DHRS12: variants seen among roughly 807,000 people sequenced by gnomAD.
DHRS12 encodes the protein dehydrogenase/reductase SDR family member 12.
In DHRS12, 29 loss-of-function variants were observed where a neutral mutation model predicts 32.1. The observed-to-expected ratio is 0.90, with a 90% confidence interval of 0.67 to 1.23. The LOEUF (loss-of-function observed/expected upper bound fraction) is 1.23. Ranked by LOEUF, DHRS12 falls within the 50% of genes most tolerant of loss-of-function variation. The pLI is 0.00. For synonymous variants in DHRS12, 150 were observed against 135.9 expected, an observed-to-expected ratio of 1.10 and a Z score of -0.72; for missense variants, 330 against 337.2, an observed-to-expected ratio of 0.98 and a Z score of 0.17.
intron 1 of DHRS12, 83 bp downstream of exon 1, chr13:51,803,971 C>G: frequency 8.1e-7 from 1 of 1,232,996 alleles, no homozygotes; most frequent in South Asian, 2.4e-5. Context: ...GAGCCGCGGG[C>G]GCGTCCCCGC....
At chr13:51,802,542 C>G (rs1178547240) in intron 1 of DHRS12, among the ~76,000 whole-genome samples, 3 of 152,232 alleles carry the variant, frequency 2.0e-5, no homozygotes, top group Non-Finnish European at 4.4e-5. Flanking sequence ...CCCATCCACA[C>G]TTGCCCAGGG....
rs138936155 is a variant in DHRS12 at position 51,790,076 on chromosome 13, C to T, written c.236G>A (p.Cys79Tyr). The T allele has an allele frequency of 1.3e-4, 213 of 1,593,810 alleles. 1 individual carries two copies. The African/African-American group carries it at 2.4e-3, about 18-fold the overall frequency. ...TGTGAGCTCTCTTTTATTGACCATGCAACCTGCATTATTGATCTAAAATTT... is the reference window on the plus strand; with the variant it reads ...TGTGAGCTCTCTTTTATTGACCATGTAACCTGCATTATTGATCTAAAATTT... ...KLHVLINNAG[C>Y]MVNKRELTED... The change falls in exon 4 of 9, where the codon TGC (cysteine) becomes TAC (tyrosine). Residue 79 changes from cysteine (C) to tyrosine (Y), a missense_variant. By Grantham distance (194) the Cys-to-Tyr change is radical (BLOSUM62 -2). Transcript: ENST00000444610.
At chr13:51,798,706 T>C (rs996051636) in intron 2 of DHRS12, among the ~76,000 whole-genome samples, 1 of 149,372 alleles carries the variant, frequency 6.7e-6, no homozygotes, top group Admixed American at 6.7e-5. Context: ...CCCTGAAAAA[T>C]GCCTAACTTG....
At chr13:51,768,707 A>G in intron 8 of DHRS12, 1 of 1,124,832 alleles carries the variant, frequency 8.9e-7, no homozygotes, top group Non-Finnish European at 1.1e-6. Flanking sequence ...GTCCACTCAC[A>G]CGCCTGCCCC....
At chr13:51,794,329 TCCC>T (rs962169096) in intron 2 of DHRS12, among the ~76,000 whole-genome samples, 14 of 152,102 alleles carry the variant, frequency 9.2e-5, no homozygotes, top group African/African-American at 1.9e-4. Context: ...TGGGGACTGA[TCCC>T]CCCATCAGAG....
chr13:51,770,896 T>C (rs1566273701), intron 7 of DHRS12: 13 of 1,167,918 alleles, frequency 1.1e-5, no homozygotes, highest in Non-Finnish European at 1.3e-5. Context: ...CTATAATTTA[T>C]TAACTTCATC....
intron 4 of DHRS12, among the ~76,000 whole-genome samples, chr13:51,786,744 C>A (rs1954975430): frequency 6.6e-6 from 1 of 152,182 alleles, no homozygotes; most frequent in Non-Finnish European, 1.5e-5. Context: ...CCCTTAGGAT[C>A]CAGTGATAAA....
intron 7 of DHRS12, 33 bp from the exon 8 acceptor site, chr13:51,769,326 A>G (rs1953904508): frequency 7.0e-7 from 1 of 1,434,520 alleles, no homozygotes; most frequent in South Asian, 1.4e-5. Flanking sequence ...GGATTAGGAC[A>G]GCATTCTCCA....
chr13:51,794,188 GCCACTGGGCC>G (rs1955406803), intron 2 of DHRS12, among the ~76,000 whole-genome samples: 2 of 152,218 alleles, frequency 1.3e-5, no homozygotes, highest in South Asian at 4.1e-4. Flanking sequence ...CACCTTAGGA[GCCACTGGGCC>G]CCACTGTGAT....
At chr13:51,768,731 T>A (rs1953869665) in intron 8 of DHRS12, 1 of 1,127,372 alleles carries the variant, frequency 8.9e-7, no homozygotes, top group East Asian at 6.0e-5. Context: ...AGGAGCCCAC[T>A]GGGGAGAGAC....
chr13:51,785,479 T>C (rs1954913567), intron 4 of DHRS12, among the ~76,000 whole-genome samples: 1 of 152,200 alleles, frequency 6.6e-6, no homozygotes, highest in South Asian at 2.1e-4. Context: ...TAATTGGATA[T>C]CTGCTGATTT....
At chr13:51,756,705 G>A in the DHRS12 span, 1 of 943,534 alleles carries the variant, frequency 1.1e-6, no homozygotes, top group African/African-American at 1.8e-5. Flanking sequence ...TAGGTTATGT[G>A]CCTTTAAATT....
chr13:51,755,312 C>G, the DHRS12 span: 2 of 1,587,578 alleles, frequency 1.3e-6, no homozygotes, highest in African/African-American at 2.7e-5. Context: ...TTTCCATTGT[C>G]CTGACTGCTG....
chr13:51,768,065 G>A lies in DHRS12; in HGVS notation c.*122C>T, dbSNP rs1566268695. On this transcript the variant is annotated 3_prime_UTR_variant, in exon 9 of 9. Transcript: ENST00000444610. ...AAAGTTCCCATCCCTTGTAGGCCTC[G>A]CTGTGAGGCACAACGTCTTCGAGGG... 2 of 1,465,134 alleles carry A rather than the reference G, an allele frequency of 1.4e-6. No individual in the cohort carries two copies. Among genetic ancestry groups the A allele is most frequent in the Non-Finnish European group, 1.8e-6 (2 of 1,112,490 alleles). 90.8% of individuals were successfully genotyped at this position (1,465,134 alleles called of 1,614,324 possible).
chr13:51,755,544 T>A, the DHRS12 span: 1 of 1,323,086 alleles, frequency 7.6e-7, no homozygotes, highest in South Asian at 1.2e-5. Flanking sequence ...CACCCCTGGG[T>A]GGGAGTTGTG....
chr13:51,770,841 T>C (rs183192565), intron 7 of DHRS12: 44 of 1,070,084 alleles, frequency 4.1e-5, no homozygotes, highest in Non-Finnish European at 4.6e-5. Flanking sequence ...ATAGGCATGA[T>C]TGGCAGCAGA....
intron 4 of DHRS12, among the ~76,000 whole-genome samples, chr13:51,788,222 G>A (rs118083927): frequency 2.1e-3 from 312 of 151,988 alleles, no homozygotes; most frequent in Non-Finnish European, 3.8e-3. Flanking sequence ...ACAGTGCCTC[G>A]GGGCCAGCTG....
At chr13:51,777,462 A>G (rs551598789) in intron 4 of DHRS12, 2 of 278,344 alleles carry the variant, frequency 7.2e-6, no homozygotes, top group South Asian at 1.6e-4. Context: ...AAAAATGTGA[A>G]GATGAAATTT....
the DHRS12 span, chr13:51,758,208 A>G: frequency 3.2e-6 from 5 of 1,579,184 alleles, no homozygotes; most frequent in Admixed American, 6.7e-5. Context: ...ACCCACAGCC[A>G]CCTTCCATGA....
Sources: allele counts gnomAD v4.1 joint callset (sites outside exome capture counted in the v4.1 genomes callset), GRCh38; gene constraint gnomAD v4.1.1; transcripts MANE v1.5; gene names NCBI Gene and HGNC (gene_info 2026-07-23, HGNC 2026-07-21).